ZDHHC2: variants seen among roughly 807,000 people sequenced by gnomAD.
ZDHHC2 encodes zDHHC palmitoyltransferase 2.
Under a neutral mutation model 55.6 loss-of-function variants are expected in ZDHHC2, and 51 were observed. The ratio of observed to expected loss-of-function variants is 0.92; its 90% CI spans 0.73 to 1.16. The LOEUF (loss-of-function observed/expected upper bound fraction) is 1.16, where lower values mean the gene tolerates loss of function less well. Ranked by LOEUF, ZDHHC2 falls within the 50% of genes most tolerant of loss-of-function variation. The pLI is 0.00. For synonymous variants in ZDHHC2, 199 were observed against 152.9 expected (o/e 1.30, Z -2.22); for missense variants, 491 against 442.4 (o/e 1.11, Z -0.99).
At chr8:17,179,380 T>A (rs1230132626) in intron 1 of ZDHHC2, among the ~76,000 whole-genome samples, 1 of 152,166 alleles carries the variant, frequency 6.6e-6, no homozygotes, top group Non-Finnish European at 1.5e-5. Context: ...GATTTTAAGA[T>A]GAAGTTCTTT....
At chr8:17,192,212 C>T (rs552602939) in intron 3 of ZDHHC2, among the ~76,000 whole-genome samples, 1 of 152,252 alleles carries the variant, frequency 6.6e-6, no homozygotes, top group East Asian at 1.9e-4. Flanking sequence ...CCTCAGACTC[C>T]TGGGCTCGAA....
intron 7 of ZDHHC2, 117 bp from the exon 8 acceptor site, chr8:17,207,843 T>A (rs1585731431): frequency 4.8e-6 from 4 of 826,568 alleles, no homozygotes; most frequent in Non-Finnish European, 6.5e-6. Context: ...CACATTTTTT[T>A]ATATTAAATT....
chr8:17,209,537 A>G (rs758081546), intron 8 of ZDHHC2, among the ~76,000 whole-genome samples: 2 of 152,162 alleles, frequency 1.3e-5, no homozygotes, highest in Non-Finnish European at 2.9e-5. Context: ...GAATGTATGT[A>G]AAAGATAGTC....
intron 12 of ZDHHC2, among the ~76,000 whole-genome samples, chr8:17,218,017 A>T (rs1807727235): frequency 6.6e-6 from 1 of 152,210 alleles, no homozygotes; most frequent in Non-Finnish European, 1.5e-5. Context: ...TTGTAAAACA[A>T]AATGATTTGC....
intron 1 of ZDHHC2, among the ~76,000 whole-genome samples, chr8:17,178,029 C>G (rs1708221664): frequency 6.6e-6 from 1 of 152,130 alleles, no homozygotes. Context: ...AAACACTTTA[C>G]TGTTCTTTGC....
chr8:17,176,390 G>A (rs1805134426), intron 1 of ZDHHC2, among the ~76,000 whole-genome samples: 1 of 152,050 alleles, frequency 6.6e-6, no homozygotes, highest in Non-Finnish European at 1.5e-5. Context: ...TGACAAAGCA[G>A]TTCCTGCTTA....
At chr8:17,160,404 T>G (rs1804279535) in intron 1 of ZDHHC2, among the ~76,000 whole-genome samples, 1 of 152,234 alleles carries the variant, frequency 6.6e-6, no homozygotes, top group Non-Finnish European at 1.5e-5. Context: ...TTACGTCATT[T>G]TAAACGATCA....
intron 1 of ZDHHC2, among the ~76,000 whole-genome samples, chr8:17,160,099 T>G (rs1483933438): frequency 2.0e-5 from 3 of 152,242 alleles, no homozygotes; most frequent in Non-Finnish European, 4.4e-5. Context: ...GTTTATGTTT[T>G]ACAGATCCCT....
chr8:17,220,132 G>T (rs1476316045), intron 12 of ZDHHC2, 124 bp from the exon 13 acceptor site: 2 of 152,140 alleles, frequency 1.3e-5, no homozygotes, highest in Admixed American at 1.3e-4. Flanking sequence ...CGTCTACTGA[G>T]CCTGCTAGCA....
intron 2 of ZDHHC2, 30 bp downstream of exon 2, chr8:17,184,845 T>C: frequency 6.6e-7 from 1 of 1,516,840 alleles, no homozygotes. Flanking sequence ...TGTTATAGAT[T>C]TTTTAAATAG....
At chr8:17,195,670 CATT>C (rs764295133) in intron 4 of ZDHHC2, 46 bp downstream of exon 4, 1 of 1,607,374 alleles carries the variant, frequency 6.2e-7, no homozygotes, top group African/African-American at 1.3e-5. Context: ...CAAATAACAT[CATT>C]AAGGTGACTG....
At chr8:17,165,777 T>G (rs1012982607) in intron 1 of ZDHHC2, among the ~76,000 whole-genome samples, 4 of 151,938 alleles carry the variant, frequency 2.6e-5, no homozygotes, top group African/African-American at 9.7e-5. Context: ...CAGAGGAAGG[T>G]TTCGATTTTA....
At chr8:17,179,817 G>A (rs1036013436) in intron 1 of ZDHHC2, among the ~76,000 whole-genome samples, 5 of 152,072 alleles carry the variant, frequency 3.3e-5, no homozygotes, top group Non-Finnish European at 7.4e-5. Context: ...ATACCGTCAG[G>A]GCCAAGAAAG....
At chr8:17,183,886 G>T (rs2150905168) in intron 1 of ZDHHC2, among the ~76,000 whole-genome samples, 1 of 152,254 alleles carries the variant, frequency 6.6e-6, no homozygotes, top group Admixed American at 6.5e-5. Flanking sequence ...TTGGGCAGGA[G>T]ATTGGTTGGA....
intron 1 of ZDHHC2, among the ~76,000 whole-genome samples, chr8:17,162,264 C>T (rs182425874): frequency 1.3e-3 from 191 of 152,276 alleles, no homozygotes; most frequent in African/African-American, 4.4e-3. Context: ...TGTACAAATG[C>T]GCAATAAATG....
intron 6 of ZDHHC2, among the ~76,000 whole-genome samples, chr8:17,198,884 G>C (rs903125872): frequency 6.6e-6 from 1 of 152,140 alleles, no homozygotes; most frequent in African/African-American, 2.4e-5. Flanking sequence ...ATTTAAACAA[G>C]ATTTTCCACA....
At chr8:17,160,213 C>T (rs975647843) in intron 1 of ZDHHC2, among the ~76,000 whole-genome samples, 1 of 152,166 alleles carries the variant, frequency 6.6e-6, no homozygotes, top group African/African-American at 2.4e-5. Context: ...ATACCGTTTT[C>T]TTTATTTCAG....
At position 17,207,956 on chromosome 8, in the gene ZDHHC2, A is replaced by G. The variant is rs752639662; in HGVS notation, c.598-4A>G. ...AACATGTTATTTTCTTCCTTTCTTTATAGAATGGCCTACCTGATACTCAAG... is the reference window on the plus strand; with the variant it reads ...AACATGTTATTTTCTTCCTTTCTTTGTAGAATGGCCTACCTGATACTCAAG... On this transcript the variant is annotated splice_polypyrimidine_tract_variant and splice_region_variant and intron_variant, in intron 7 of 12. Coordinates refer to ENST00000262096, the MANE Select transcript of ZDHHC2 (RefSeq NM_016353.5). The G allele has an allele frequency of 7.3e-6, 11 of 1,513,804 alleles. No individual in the cohort carries two copies. Among genetic ancestry groups the G allele is most frequent in the East Asian group, 2.5e-5 (1 of 40,696 alleles). 93.8% of individuals were successfully genotyped at this position (1,513,804 alleles called of 1,614,324 possible).
intron 8 of ZDHHC2, 102 bp downstream of exon 8, chr8:17,208,194 GGAAAAGTCATTCT>G: frequency 8.3e-7 from 1 of 1,199,914 alleles, no homozygotes; most frequent in East Asian, 2.9e-5. Context: ...TGAAGTGGTG[GGAAAAGTCATTCT>G]TATTTTCCTC....
Sources: allele counts gnomAD v4.1 joint callset (sites outside exome capture counted in the v4.1 genomes callset), GRCh38; gene constraint gnomAD v4.1.1; transcripts MANE v1.5; gene names NCBI Gene and HGNC (gene_info 2026-07-23, HGNC 2026-07-21).